HTATIP2: variants seen among roughly 807,000 people sequenced by gnomAD.
The protein encoded by HTATIP2 is HIV-1 Tat interactive protein 2.
Under a neutral mutation model 24.7 loss-of-function variants are expected in HTATIP2, and 26 were observed. The ratio of observed to expected loss-of-function variants is 1.05; its 90% CI spans 0.77 to 1.46. The LOEUF (loss-of-function observed/expected upper bound fraction) is 1.46, where lower values mean the gene tolerates loss of function less well. Among genes scored for constraint, HTATIP2 ranks in the 40% most tolerant of loss-of-function variants. The pLI is 0.00. For synonymous variants in HTATIP2, 99 were observed against 113.2 expected (o/e 0.87, Z 0.79); for missense variants, 284 against 289.6 (o/e 0.98, Z 0.14).
chr11:20,365,499 T>C (rs1489719807), intron 1 of HTATIP2, among the ~76,000 whole-genome samples: 1 of 152,232 alleles, frequency 6.6e-6, no homozygotes, highest in African/African-American at 2.4e-5. Context: ...ACATTTCAAA[T>C]AACAAGCCAT....
intron 3 of HTATIP2, among the ~76,000 whole-genome samples, chr11:20,379,610 T>C (rs1189404005): frequency 6.6e-6 from 1 of 152,226 alleles, no homozygotes; most frequent in Non-Finnish European, 1.5e-5. Flanking sequence ...GGATCAATCA[T>C]GTGCTTTATG....
Position 20,363,808 on chromosome 11 carries a change from T to A in HTATIP2, c.-430T>A. 1 of 1,245,094 alleles carries A rather than the reference T, an allele frequency of 8.0e-7. No individual in the cohort carries two copies. The highest frequency in any genetic ancestry group is 4.0e-5 in the South Asian group (1 of 24,974). 77.1% of individuals were successfully genotyped at this position (1,245,094 alleles called of 1,614,324 possible). On this transcript the variant is annotated 5_prime_UTR_variant, in exon 1 of 5. Transcript: ENST00000451739. The stretch of plus-strand genomic sequence containing the variant: ...GGTCCGACCAGGGAAGGTGGGATGC[T>A]CTGATGGCCGGGCCTGCGGCGCTGA...
At chr11:20,378,092 C>A (rs1848470717) in intron 3 of HTATIP2, among the ~76,000 whole-genome samples, 2 of 152,052 alleles carry the variant, frequency 1.3e-5, no homozygotes, top group Non-Finnish European at 2.9e-5. Context: ...TACCAAACAT[C>A]CTTATTATGT....
rs142621173 is a variant in HTATIP2, at chr11:20,381,886, C to T, written c.442-292C>T. Among the ~76,000 whole-genome samples, 557 of 152,300 alleles carry T rather than the reference C, an allele frequency of 3.7e-3. 4 individuals carry two copies. Among genetic ancestry groups the T allele is most frequent in the Non-Finnish European group, 6.3e-3 (427 of 68,018 alleles). ...GGATATTCTTTTATGATTGTACTAA[C>T]GTATGACTTACCCTCTCTGAATCTG... On this transcript the variant is annotated intron_variant, in intron 3 of 4. Coordinates refer to ENST00000451739, the MANE Select transcript of HTATIP2 (RefSeq NM_001098522.2).
chr11:20,376,525 C>CT lies in HTATIP2; in HGVS notation c.304-52dup, dbSNP rs1360458719. ...CCTGCTACCCAAGCCAAGTAGTAAT[C>CT]TTTAAGATGAACTTGCTGCTTTTTG... On this transcript the variant is annotated intron_variant, in intron 2 of 4. Coordinates refer to ENST00000451739, the MANE Select transcript of HTATIP2 (RefSeq NM_001098522.2). The CT allele has an allele frequency of 3.1e-6, 5 of 1,606,004 alleles. No homozygotes were observed. The East Asian group carries it at 1.1e-4, about 36-fold the overall frequency.
intron 3 of HTATIP2, among the ~76,000 whole-genome samples, chr11:20,379,225 C>G (rs180861356): frequency 1.3e-5 from 2 of 152,268 alleles, no homozygotes; most frequent in African/African-American, 4.8e-5. Flanking sequence ...CGTGACAGAG[C>G]CTCAGCAAAT....
intron 1 of HTATIP2, among the ~76,000 whole-genome samples, chr11:20,364,944 G>A (rs1431481666): frequency 2.0e-5 from 3 of 151,080 alleles, no homozygotes; most frequent in African/African-American, 7.3e-5. Context: ...CCAGGCTTGT[G>A]TCTGTAAATC....
chr11:20,370,396 G>A (rs1269808773), intron 2 of HTATIP2, among the ~76,000 whole-genome samples: 1 of 152,220 alleles, frequency 6.6e-6, no homozygotes, highest in African/African-American at 2.4e-5. Context: ...GTGGTTCGAT[G>A]TGGTTTCACC....
At position 20,364,011 on chromosome 11, in the gene HTATIP2, T is replaced by G; in HGVS notation, c.-227T>G. Reference sequence around the variant, plus strand: ...AGTGATGCCAGCAGCTTGTGGCACCTGGGCGCACCCTCCAGCTCGGGCCCC... The same window carrying G: ...AGTGATGCCAGCAGCTTGTGGCACCGGGGCGCACCCTCCAGCTCGGGCCCC... On this transcript the variant is annotated 5_prime_UTR_variant, in exon 1 of 5. Coordinates refer to ENST00000451739, the MANE Select transcript of HTATIP2 (RefSeq NM_001098522.2). 1 of 1,274,204 alleles carries G rather than the reference T, an allele frequency of 7.8e-7. No homozygotes were observed. The highest frequency in any genetic ancestry group is 9.9e-7 in the Non-Finnish European group (1 of 1,010,158). The allele number at this position is 1,274,204 out of a possible 1,614,324, so 78.9% of individuals were successfully genotyped here. A position where few individuals can be genotyped will look rare whatever the true frequency, so the allele number is the denominator to read the frequency against.
intron 3 of HTATIP2, among the ~76,000 whole-genome samples, chr11:20,378,726 G>C (rs1848478604): frequency 6.6e-6 from 1 of 152,160 alleles, no homozygotes; most frequent in Non-Finnish European, 1.5e-5. Flanking sequence ...CGTGGAAACA[G>C]GTACTGTGAT....
At position 20,364,288 on chromosome 11, in the gene HTATIP2, G is replaced by A. The variant is rs774420448; in HGVS notation, c.51G>A (p.Gln17=). 1 of 1,613,892 alleles carries A rather than the reference G, an allele frequency of 6.2e-7. No homozygotes were observed. Among genetic ancestry groups the A allele is most frequent in the South Asian group, 1.1e-5 (1 of 91,056 alleles). The change falls in exon 1 of 5, where the codon CAG becomes CAA. Residue 17 remains glutamine (Q), a synonymous_variant. Transcript: ENST00000451739. The part of the protein sequence containing the change: ...LSKLREDFRM[Q]NKSVFILGAS... ...AGCTTCGGGAAGACTTCAGGATGCA[G>A]AATAAATCCGTCTTTATTTTGGGCG...
chr11:20,376,475 A>C (rs2133274515), intron 2 of HTATIP2, 105 bp from the exon 3 acceptor site: 1 of 1,226,150 alleles, frequency 8.2e-7, no homozygotes. Flanking sequence ...TTTTATTTAG[A>C]TCTCCATCCT....
At position 20,376,561 on chromosome 11, in the gene HTATIP2, A is replaced by C. The variant is rs966008852; in HGVS notation, c.304-19A>C. The C allele has an allele frequency of 1.9e-6, 3 of 1,613,386 alleles. No individual in the cohort carries two copies. Among genetic ancestry groups the C allele is most frequent in the Non-Finnish European group, 2.5e-6 (3 of 1,179,820 alleles). ...ACTTGCTGCTTTTTGGAAATAACTC[A>C]TGTCCTTTTCCCCCTTAGGAGGGAT... On this transcript the variant is annotated intron_variant, in intron 2 of 4. Coordinates refer to ENST00000451739, the MANE Select transcript of HTATIP2 (RefSeq NM_001098522.2).
intron 3 of HTATIP2, among the ~76,000 whole-genome samples, chr11:20,381,841 T>C (rs1441503619): frequency 2.0e-5 from 3 of 152,196 alleles, no homozygotes; most frequent in African/African-American, 7.2e-5. Context: ...GCATGCAACA[T>C]GAATTCTGGA....
chr11:20,364,950 A>G (rs909615319), intron 1 of HTATIP2, among the ~76,000 whole-genome samples: 7 of 151,724 alleles, frequency 4.6e-5, no homozygotes, highest in Middle Eastern at 3.4e-3. Flanking sequence ...TTGTGTCTGT[A>G]AATCGGATAT....
Position 20,364,142 on chromosome 11 carries a change from C to T in HTATIP2, c.-96C>T, listed in dbSNP as rs928731103. 7 of 1,489,782 alleles carry T rather than the reference C, an allele frequency of 4.7e-6. No individual in the cohort carries two copies. Among genetic ancestry groups the T allele is most frequent in the East Asian group, 2.3e-5 (1 of 42,568 alleles). The allele number at this position is 1,489,782 out of a possible 1,614,324, so 92.3% of individuals were successfully genotyped here. A position where few individuals can be genotyped will look rare whatever the true frequency, so the allele number is the denominator to read the frequency against. On this transcript the variant is annotated 5_prime_UTR_variant, in exon 1 of 5. Coordinates refer to ENST00000451739, the MANE Select transcript of HTATIP2 (RefSeq NM_001098522.2). ...CCCGGACTGCGGAGAACAATATCCT[C>T]CTCCCTAACAGATAAACAGCCCTTG...
intron 2 of HTATIP2, among the ~76,000 whole-genome samples, chr11:20,369,308 C>T (rs369394334): frequency 3.3e-5 from 5 of 152,270 alleles, no homozygotes; most frequent in Non-Finnish European, 5.9e-5. Flanking sequence ...AAAACTAGTA[C>T]GCTTCACTAG....
intron 2 of HTATIP2, among the ~76,000 whole-genome samples, chr11:20,371,170 T>C (rs1423083328): frequency 6.6e-6 from 1 of 150,466 alleles, no homozygotes; most frequent in Non-Finnish European, 1.5e-5. Flanking sequence ...TGTCTGATCC[T>C]TTACAGGAAA....
At chr11:20,364,460 G>C in intron 1 of HTATIP2, 28 bp downstream of exon 1, 1 of 1,559,462 alleles carries the variant, frequency 6.4e-7, no homozygotes, top group South Asian at 1.1e-5. Context: ...GACTCAAATG[G>C]ACCCCCAGGA....
Sources: gnomAD v4.1 joint callset for allele counts (sites outside exome capture counted in the v4.1 genomes callset) on GRCh38, gnomAD v4.1.1 for gene constraint, MANE v1.5 for transcripts, NCBI Gene and HGNC (gene_info 2026-07-23, HGNC 2026-07-21) for gene names.